The following URB1 variants were observed in gnomAD, a reference collection of about 807,000 sequenced individuals.
The protein encoded by URB1 is nucleolar pre-ribosomal-associated protein 1.
In URB1, 197 loss-of-function variants were observed where a neutral mutation model predicts 242.3. The ratio of observed to expected loss-of-function variants is 0.81; its 90% confidence interval spans 0.72 to 0.91. The LOEUF (loss-of-function observed/expected upper bound fraction) is 0.91. Among genes scored for constraint, URB1 ranks in the 40% least tolerant of loss-of-function variants. The pLI is 0.00. For missense variants in URB1, 2,721 were observed against 2,860.5 expected (o/e 0.95, Z 1.11); for synonymous variants, 1,153 against 1,201.8 (o/e 0.96, Z 0.84).
intron 5 of URB1, 48 bp downstream of exon 5, chr21:32,378,396 GT>G (rs1177425924): frequency 1.3e-6 from 2 of 1,510,224 alleles, no homozygotes; most frequent in African/African-American, 2.8e-5. Flanking sequence ...TTTGCAGTAG[GT>G]TTTTCAAAAC....
At chr21:32,345,348 C>T in intron 23 of URB1, 26 bp downstream of exon 23, 1 of 1,546,288 alleles carries the variant, frequency 6.5e-7, no homozygotes, top group South Asian at 1.2e-5. Flanking sequence ...AGTGGAACAT[C>T]CTGCAACCAA....
Position 32,392,970 on chromosome 21 carries a change from T to C in URB1, c.-60A>G, listed in dbSNP as rs1272189702. On this transcript the variant is annotated 5_prime_UTR_variant, in exon 1 of 39. Transcript: ENST00000382751. ...ACCTGAGGGGACCCGGCAGGAGCAC[T>C]GGCACAGACAGCAGACACGCGCTTC... is the stretch of plus-strand genomic sequence containing the variant. 2.8e-6 allele frequency: 4 copies of C among 1,429,016 alleles called. No individual in the cohort carries two copies. Among genetic ancestry groups the C allele is most frequent in the South Asian group, 1.4e-5 (1 of 69,792 alleles). 88.5% of individuals were successfully genotyped at this position (1,429,016 alleles called of 1,614,324 possible).
Position 32,359,895 on chromosome 21 carries a change from C to T in URB1, c.1770G>A (p.Glu590=). The part of the protein sequence containing the change: ...FSKLLKGVIS[E]QGLREEVPPI... ...GAGGCACCTCCTCTCGAAGGCCCTG[C>T]TCAGAGATGACACCTATGGGTGAAA... is the stretch of plus-strand genomic sequence containing the variant. Residue 590 remains glutamate (E), a synonymous_variant, in exon 14 of 39, where the codon GAG becomes GAA. Transcript: ENST00000382751. 1.9e-6 allele frequency: 3 copies of T among 1,549,064 alleles called. No homozygotes were observed. The highest frequency in any genetic ancestry group is 2.6e-6 in the Non-Finnish European group (3 of 1,145,946).
In URB1 at chr21:32,355,009, A is replaced by G; in HGVS notation, c.2107-12T>C. On this transcript the variant is annotated splice_polypyrimidine_tract_variant and intron_variant, in intron 16 of 38. Coordinates refer to ENST00000382751, the MANE Select transcript of URB1 (RefSeq NM_014825.3). Reference sequence around the variant, plus strand: ...AATGTCAATAAAATCTGGGCATTAAAGAGCCAAATAGAAAGCATTCAGATG... The same window carrying G: ...AATGTCAATAAAATCTGGGCATTAAGGAGCCAAATAGAAAGCATTCAGATG... 6.5e-7 allele frequency: 1 copy of G among 1,542,952 alleles called. No individual in the cohort carries two copies. The highest frequency in any genetic ancestry group is 1.2e-5 in the South Asian group (1 of 83,324).
In URB1 at chr21:32,311,502, C is replaced by G; in HGVS notation, c.*3416G>C. 1 of 722,612 alleles carries G rather than the reference C, an allele frequency of 1.4e-6. No homozygotes were observed. Among genetic ancestry groups the G allele is most frequent in the Non-Finnish European group, 2.1e-6 (1 of 472,366 alleles). The allele number at this position is 722,612 out of a possible 1,614,324, so 44.8% of individuals were successfully genotyped here. A position where few individuals can be genotyped will look rare whatever the true frequency, so the allele number is the denominator to read the frequency against. On this transcript the variant is annotated 3_prime_UTR_variant, in exon 39 of 39. Transcript: ENST00000382751. ...TTCCTGACAAAGCACTTCCTCTCCT[C>G]TGAGATTTCTCTAGAATGGCCACCT...
chr21:32,339,479 TTTTC>T (rs1217795849), intron 25 of URB1, among the ~76,000 whole-genome samples: 3 of 151,258 alleles, frequency 2.0e-5, no homozygotes. Flanking sequence ...AGTGCATTTA[TTTTC>T]TTTTTTTTTT....
At chr21:32,387,547 C>T (rs2033596601) in intron 1 of URB1, among the ~76,000 whole-genome samples, 1 of 144,192 alleles carries the variant, frequency 6.9e-6, no homozygotes, top group Non-Finnish European at 1.5e-5. Flanking sequence ...CTAAAGGTAA[C>T]ACATCTTACT....
At chr21:32,317,943 T>C (rs1438829156) in intron 36 of URB1, 26 bp from the exon 37 acceptor site, 1 of 1,550,346 alleles carries the variant, frequency 6.5e-7, no homozygotes, top group Non-Finnish European at 8.7e-7. Flanking sequence ...TGTTACAGAC[T>C]GAGCAAAGGC....
At position 32,392,903 on chromosome 21, in the gene URB1, A is replaced by AC; in HGVS notation, c.7dup (p.Val3GlyfsTer64). The AC allele has an allele frequency of 6.6e-7, 1 of 1,520,834 alleles. No individual in the cohort carries two copies. The highest frequency in any genetic ancestry group is 8.8e-7 in the Non-Finnish European group (1 of 1,138,856). 94.2% of individuals were successfully genotyped at this position (1,520,834 alleles called of 1,614,324 possible). A position where few individuals can be genotyped will look rare whatever the true frequency, so the allele number is the denominator to read the frequency against. Reference sequence around the variant, plus strand: ...GCCGCCCGAGGCCTTCCTCTTGGGGACCCCCATGGCCGAGAGGGCGGAAGC... The same window carrying AC: ...GCCGCCCGAGGCCTTCCTCTTGGGGACCCCCCATGGCCGAGAGGGCGGAAGC... On this transcript the variant is annotated frameshift_variant, in exon 1 of 39. Transcript: ENST00000382751. LOFTEE classifies it high-confidence loss of function.
At position 32,354,885 on chromosome 21, in the gene URB1, A is replaced by T; in HGVS notation, c.2219T>A (p.Met740Lys). The T allele has an allele frequency of 6.4e-7, 1 of 1,552,366 alleles. No homozygotes were observed. ...ATMTKQEADD[M>K]SIPISHIDDV... ...GTCAATGTGGGAGATGGGAATGCTC[A>T]TGTCATCGGCTTCTTGCTTCGTCAT... is the stretch of plus-strand genomic sequence containing the variant. The change falls in exon 17 of 39, where the codon ATG becomes AAG. Residue 740 changes from methionine (M) to lysine (K), a missense_variant. Met to Lys is a moderately conservative substitution (Grantham distance 95). Coordinates refer to ENST00000382751, the MANE Select transcript of URB1 (RefSeq NM_014825.3).
chr21:32,361,839 C>A, intron 12 of URB1, 53 bp downstream of exon 12: 1 of 1,528,608 alleles, frequency 6.5e-7, no homozygotes, highest in South Asian at 1.3e-5. Context: ...CTGCCAGTGT[C>A]AGCTCTGTCC....
intron 15 of URB1, among the ~76,000 whole-genome samples, chr21:32,356,192 G>A (rs1568822950): frequency 6.6e-6 from 1 of 152,156 alleles, no homozygotes; most frequent in Non-Finnish European, 1.5e-5. Context: ...ATCAGCGGAG[G>A]CAACATAGTT....
In URB1 at chr21:32,320,603, A is replaced by G; in HGVS notation, c.5522T>C (p.Val1841Ala). 1 of 1,551,920 alleles carries G rather than the reference A, an allele frequency of 6.4e-7. No homozygotes were observed. Among genetic ancestry groups the G allele is most frequent in the Non-Finnish European group, 8.7e-7 (1 of 1,147,028 alleles). ...ILEILQNAAQVARSAYEIIRD... is the reference protein window; with the variant it reads ...ILEILQNAAQAARSAYEIIRD... ...TATGATTTCATACGCAGATCTGGCA[A>G]CCTGGGCAGCATTCTGTAGAATTTC... The change falls in exon 35 of 39, where the codon GTT becomes GCT. Residue 1841 changes from valine (V) to alanine (A), a missense_variant. Transcript: ENST00000382751.
intron 10 of URB1, among the ~76,000 whole-genome samples, chr21:32,363,733 C>T (rs1411946647): frequency 6.6e-6 from 1 of 152,162 alleles, no homozygotes; most frequent in South Asian, 2.1e-4. Flanking sequence ...GCGATCATAG[C>T]TCACCGCAGC....
chr21:32,369,975 CAAAAAAAAAAAA>C (rs34377037), intron 8 of URB1, among the ~76,000 whole-genome samples: 1 of 88,556 alleles, frequency 1.1e-5, no homozygotes, highest in Non-Finnish European at 2.4e-5. Flanking sequence ...GTCTCCATCT[CAAAAAAAAAAAA>C]AAAAAAAAAG....
Position 32,316,501 on chromosome 21 carries a change from A to AG in URB1, c.6598dup (p.Leu2200ProfsTer6). ...TTCATCCTTCTCACTCAGAGAAGACAGGGAGAGGGCTTCCATGGCCGGGTG... is the reference window on the plus strand; with the variant it reads ...TTCATCCTTCTCACTCAGAGAAGACAGGGGAGAGGGCTTCCATGGCCGGGTG... On this transcript the variant is annotated frameshift_variant, in exon 38 of 39. Transcript: ENST00000382751. LOFTEE classifies it low-confidence loss of function (END_TRUNC). The AG allele has an allele frequency of 6.5e-7, 1 of 1,542,902 alleles. No individual in the cohort carries two copies. Among genetic ancestry groups the AG allele is most frequent in the Non-Finnish European group, 8.7e-7 (1 of 1,143,318 alleles).
chr21:32,333,323 T>C lies in URB1; in HGVS notation c.4954A>G (p.Arg1652Gly). ...AAGAGAAGACTGCAGTTACCTGGCCTGGTCAGCTCACTGAAGAGCTGAAGG... is the reference window on the plus strand; with the variant it reads ...AAGAGAAGACTGCAGTTACCTGGCCCGGTCAGCTCACTGAAGAGCTGAAGG... ...FLLQLFSELTRPEFVVDCRKF... is the reference protein window; with the variant it reads ...FLLQLFSELTGPEFVVDCRKF... The change falls in exon 30 of 39, where the codon AGG becomes GGG. Residue 1652 changes from arginine (R) to glycine (G), a missense_variant. By Grantham distance (125) the Arg-to-Gly change is moderately radical (BLOSUM62 -2). Coordinates refer to ENST00000382751, the MANE Select transcript of URB1 (RefSeq NM_014825.3). 4 of 1,551,812 alleles carry C rather than the reference T, an allele frequency of 2.6e-6. No individual in the cohort carries two copies. The highest frequency in any genetic ancestry group is 3.5e-6 in the Non-Finnish European group (4 of 1,146,928).
At position 32,334,179 on chromosome 21, in the gene URB1, C is replaced by A; in HGVS notation, c.4841G>T (p.Arg1614Met). 1 of 1,547,396 alleles carries A rather than the reference C, an allele frequency of 6.5e-7. No individual in the cohort carries two copies. Among genetic ancestry groups the A allele is most frequent in the Non-Finnish European group, 8.7e-7 (1 of 1,143,836 alleles). Reference protein sequence around the residue: ...QTILHFPQNRRLLPPEDTQEL... With the variant: ...QTILHFPQNRMLLPPEDTQEL... ...CAGCCCAACCTCGGGGGGCAGCAGCCTCCGGTTCTGGGGGAAGTGCAGGAT... is the reference window on the plus strand; with the variant it reads ...CAGCCCAACCTCGGGGGGCAGCAGCATCCGGTTCTGGGGGAAGTGCAGGAT... The change falls in exon 29 of 39, where the codon AGG becomes ATG. Residue 1614 changes from arginine (R) to methionine (M), a missense_variant. Coordinates refer to ENST00000382751, the MANE Select transcript of URB1 (RefSeq NM_014825.3).
In URB1 at chr21:32,337,142, A is replaced by G. The variant is rs1311223087; in HGVS notation, c.4637T>C (p.Leu1546Pro). 1 of 1,551,872 alleles carries G rather than the reference A, an allele frequency of 6.4e-7. No homozygotes were observed. The highest frequency in any genetic ancestry group is 1.4e-5 in the African/African-American group (1 of 73,148). The change falls in exon 28 of 39, where the codon CTT becomes CCT. Residue 1546 changes from leucine to proline, a missense_variant. By Grantham distance (98) the Leu-to-Pro change is moderately conservative. Transcript: ENST00000382751. ...GTTCTGCTCATACGCTCGAAGCAGA[A>G]GTAAAATCTTCTGATCTACAAGTCA... Reference protein sequence around the residue: ...TLSVLDQKILLLLRAYEQNKL... With the variant: ...TLSVLDQKILPLLRAYEQNKL...
Sources: gnomAD v4.1 joint callset for allele counts (sites outside exome capture counted in the v4.1 genomes callset) on GRCh38, gnomAD v4.1.1 for gene constraint, MANE v1.5 for transcripts, NCBI Gene and HGNC (gene_info 2026-07-23, HGNC 2026-07-21) for gene names.